The following TNPO2 variants were observed in gnomAD, a reference collection of about 807,000 sequenced individuals.
TNPO2 encodes transportin 2, also known as transportin-2.
In TNPO2, 16 loss-of-function variants were observed where a neutral mutation model predicts 111.1. That is an observed-to-expected ratio of 0.14 (90% CI 0.10 to 0.22). TNPO2 has a LOEUF of 0.22. Among genes scored for constraint, TNPO2 ranks in the 10% least tolerant of loss-of-function variants. The pLI is 1.00. For missense variants in TNPO2, 530 were observed against 1,173.7 expected (o/e 0.45, Z 8.01); for synonymous variants, 481 against 475.8 (o/e 1.01, Z -0.14).
In TNPO2 at chr19:12,715,478, C is replaced by A. The variant is rs369773308; in HGVS notation, c.493G>T (p.Ala165Ser). 6.2e-7 allele frequency: 1 copy of A among 1,613,746 alleles called. No individual in the cohort carries two copies. Among genetic ancestry groups the A allele is most frequent in the Non-Finnish European group, 8.5e-7 (1 of 1,179,850 alleles). ...ATGATGTTGAGGGGCCTGTTGAGGG[C>A]GTCACTGTCCAGAAGCTCTGATGAG... ...EDSSELLDSD[A>S]LNRPLNIMIP... Residue 165 changes from alanine to serine, a missense_variant, in exon 7 of 26, where the codon GCC (alanine) becomes TCC (serine). Physicochemically the swap from Ala to Ser is moderately conservative, Grantham distance 99 (BLOSUM62 1). Around this residue, in one of 4 missense-constraint regions of TNPO2, gnomAD observed 156 missense variants for 405.8 expected, o/e 0.38. Coordinates refer to ENST00000425528, the MANE Select transcript of TNPO2 (RefSeq NM_001382241.1). The surrounding 1 kb of genome is among the most constrained non-coding windows in gnomAD (Gnocchi z 7.1).
In TNPO2 at chr19:12,700,246, C is replaced by A. The variant is rs935663720; in HGVS notation, c.*1018G>T. 1.7e-4 allele frequency: 25 copies of A among 151,342 alleles called. No individual in the cohort carries two copies. The highest frequency in any genetic ancestry group is 5.1e-4 in the African/African-American group (21 of 40,956). The allele number at this position is 151,342 out of a possible 1,614,324, so 9.4% of individuals were successfully genotyped here. Reference sequence around the variant, plus strand: ...CATCATCAATTAAACGCCCCTGCCCCAGGCCTTGAGTTAAAACTGGGGCCT... The same window carrying A: ...CATCATCAATTAAACGCCCCTGCCCAAGGCCTTGAGTTAAAACTGGGGCCT... On this transcript the variant is annotated 3_prime_UTR_variant, in exon 26 of 26. Transcript: ENST00000425528.
At position 12,721,229 on chromosome 19, in the gene TNPO2, GCGGCGGGGCC is replaced by G. The variant is rs1215356714; in HGVS notation, c.-13-249_-13-240del. On this transcript the variant is annotated intron_variant, in intron 2 of 25. Transcript: ENST00000425528. This position sits in a 1 kb window ranked among gnomAD's most constrained non-coding sequence, Gnocchi z 4.9. ...ATGTGGAAACGGGCCACAGGCGGCGGCGGCGGGGCCCGGCGGATCCTCATGGGACCCAGCG... is the reference window on the plus strand; with the variant it reads ...ATGTGGAAACGGGCCACAGGCGGCGGCGGCGGATCCTCATGGGACCCAGCG... 3.0e-6 allele frequency: 4 copies of G among 1,329,646 alleles called. No individual in the cohort carries two copies. The highest frequency in any genetic ancestry group is 3.7e-5 in the Admixed American group (1 of 27,258). The allele number at this position is 1,329,646 out of a possible 1,614,324, so 82.4% of individuals were successfully genotyped here.
chr19:12,721,175 G>C lies in TNPO2; in HGVS notation c.-13-185C>G. The C allele has an allele frequency of 7.1e-7, 1 of 1,399,060 alleles. No homozygotes were observed. Among genetic ancestry groups the C allele is most frequent in the Non-Finnish European group, 9.2e-7 (1 of 1,084,548 alleles). 86.7% of individuals were successfully genotyped at this position (1,399,060 alleles called of 1,614,324 possible). On this transcript the variant is annotated intron_variant, in intron 2 of 25. Transcript: ENST00000425528. The surrounding 1 kb of genome is among the most constrained non-coding windows in gnomAD (Gnocchi z 4.9). Reference sequence around the variant, plus strand: ...CAGCTGCGCCATCCTCGGCCGCGCAGTCGCGGGCTCGGGAGCGCGGGAGGG... The same window carrying C: ...CAGCTGCGCCATCCTCGGCCGCGCACTCGCGGGCTCGGGAGCGCGGGAGGG...
chr19:12,713,133 G>T (rs931370708), intron 10 of TNPO2, among the ~76,000 whole-genome samples: 2 of 152,146 alleles, frequency 1.3e-5, no homozygotes, highest in African/African-American at 4.8e-5. Context: ...TACAGTGCCT[G>T]GTCCCTAGCA....
intron 13 of TNPO2, among the ~76,000 whole-genome samples, chr19:12,709,222 C>T (rs1349093548): frequency 4.0e-5 from 6 of 151,110 alleles, no homozygotes; most frequent in Admixed American, 2.0e-4. Context: ...ATTAGCTGGG[C>T]GTGGTGGCAT....
At position 12,702,242 on chromosome 19, in the gene TNPO2, GC is replaced by G; in HGVS notation, c.2306-66del. The G allele has an allele frequency of 7.2e-7, 1 of 1,383,786 alleles. No individual in the cohort carries two copies. The highest frequency in any genetic ancestry group is 1.0e-6 in the Non-Finnish European group (1 of 996,820). The allele number at this position is 1,383,786 out of a possible 1,614,324, so 85.7% of individuals were successfully genotyped here. On this transcript the variant is annotated intron_variant, in intron 21 of 25. Transcript: ENST00000425528. This position sits in a 1 kb window ranked among gnomAD's most constrained non-coding sequence, Gnocchi z 5.5. ...CCTCTGGCACAAGGCACCAAGCCCC[GC>G]CCCATGAGCCCCAAGGGAATGGCTA...
rs2026669433 is a variant in TNPO2 at position 12,721,132 on chromosome 19, C to A, written c.-13-142G>T. The stretch of plus-strand genomic sequence containing the variant: ...CGGAGGCCTCCGATCCACGCCCGCC[C>A]AAGTGCGGGGTCCCCGCCAGCTGCG... On this transcript the variant is annotated intron_variant, in intron 2 of 25. Coordinates refer to ENST00000425528, the MANE Select transcript of TNPO2 (RefSeq NM_001382241.1). This position sits in a 1 kb window ranked among gnomAD's most constrained non-coding sequence, Gnocchi z 4.9. 1.4e-6 allele frequency: 2 copies of A among 1,479,062 alleles called. No homozygotes were observed. Among genetic ancestry groups the A allele is most frequent in the South Asian group, 1.3e-5 (1 of 76,982 alleles). 91.6% of individuals were successfully genotyped at this position (1,479,062 alleles called of 1,614,324 possible).
At position 12,711,625 on chromosome 19, in the gene TNPO2, G is replaced by T; in HGVS notation, c.891-12C>A. 1 of 1,612,530 alleles carries T rather than the reference G, an allele frequency of 6.2e-7. No homozygotes were observed. The highest frequency in any genetic ancestry group is 8.5e-7 in the Non-Finnish European group (1 of 1,179,260). ...AGATGGGGATCAACCTGCACAGAGA[G>T]GGACTGTTTATGGGGATGCAGGGGC... On this transcript the variant is annotated splice_polypyrimidine_tract_variant and intron_variant, in intron 10 of 25. Transcript: ENST00000425528.
chr19:12,702,407 G>C lies in TNPO2; in HGVS notation c.2306-230C>G, dbSNP rs1435137970. ...TTTTTGTTTTTTTTTGTTTTGTTTT[G>C]TTTTTGAGATGGAGTCTTGCTCTGT... On this transcript the variant is annotated intron_variant, in intron 21 of 25. Transcript: ENST00000425528. The surrounding 1 kb of genome is among the most constrained non-coding windows in gnomAD (Gnocchi z 5.5). The C allele has an allele frequency of 3.0e-6, 2 of 659,870 alleles. No homozygotes were observed. Among genetic ancestry groups the C allele is most frequent in the Admixed American group, 4.3e-5 (2 of 46,450 alleles). The allele number at this position is 659,870 out of a possible 1,614,324, so 40.9% of individuals were successfully genotyped here. A position where few individuals can be genotyped will look rare whatever the true frequency, so the allele number is the denominator to read the frequency against.
chr19:12,705,948 C>G lies in TNPO2; in HGVS notation c.1669-180G>C. 1 of 641,222 alleles carries G rather than the reference C, an allele frequency of 1.6e-6. No homozygotes were observed. Among genetic ancestry groups the G allele is most frequent in the Non-Finnish European group, 2.7e-6 (1 of 376,738 alleles). 39.7% of individuals were successfully genotyped at this position (641,222 alleles called of 1,614,324 possible). A position where few individuals can be genotyped will look rare whatever the true frequency, so the allele number is the denominator to read the frequency against. On this transcript the variant is annotated intron_variant, in intron 15 of 25. Transcript: ENST00000425528. This position sits in a 1 kb window ranked among gnomAD's most constrained non-coding sequence, Gnocchi z 7.2. The stretch of plus-strand genomic sequence containing the variant: ...TTCTCACCTGTCCAAGCACCGCCCG[C>G]CCCACCCCACCCCCCGGGAGCCTGG...
At position 12,703,698 on chromosome 19, in the gene TNPO2, A is replaced by C. The variant is rs2025462960; in HGVS notation, c.2110+16T>G. On this transcript the variant is annotated intron_variant, in intron 19 of 25. Coordinates refer to ENST00000425528, the MANE Select transcript of TNPO2 (RefSeq NM_001382241.1). ...GGGGCTGGGGTCATGGGTTAGGGAC[A>C]AGGCGAGTGTCGTACCGATACAGGG... 6.2e-7 allele frequency: 1 copy of C among 1,605,956 alleles called. No homozygotes were observed. Among genetic ancestry groups the C allele is most frequent in the Admixed American group, 1.7e-5 (1 of 58,262 alleles).
Position 12,719,467 on chromosome 19 carries a change from G to GC in TNPO2, c.100-132dup. On this transcript the variant is annotated intron_variant, in intron 3 of 25. Transcript: ENST00000425528. This position sits in a 1 kb window ranked among gnomAD's most constrained non-coding sequence, Gnocchi z 5.0. ...CCTGGGGGATCCCGCTCCCTAATAA[G>GC]CCCACAATGACACAGAGCACCTCAG... is the stretch of plus-strand genomic sequence containing the variant. 2 of 753,958 alleles carry GC rather than the reference G, an allele frequency of 2.7e-6. No individual in the cohort carries two copies. Among genetic ancestry groups the GC allele is most frequent in the Non-Finnish European group, 4.6e-6 (2 of 434,672 alleles). 46.7% of individuals were successfully genotyped at this position (753,958 alleles called of 1,614,324 possible). A position where few individuals can be genotyped will look rare whatever the true frequency, so the allele number is the denominator to read the frequency against.
At chr19:12,714,558 C>T (rs539219797) in intron 10 of TNPO2, among the ~76,000 whole-genome samples, 1 of 152,114 alleles carries the variant, frequency 6.6e-6, no homozygotes, top group Non-Finnish European at 1.5e-5. Flanking sequence ...GTGATCTGCC[C>T]GCCTCGGCCT....
chr19:12,715,856 T>G lies in TNPO2; in HGVS notation c.326-117A>C. On this transcript the variant is annotated intron_variant, in intron 5 of 25. Transcript: ENST00000425528. This position sits in a 1 kb window ranked among gnomAD's most constrained non-coding sequence, Gnocchi z 7.1. ...TGTTCCCTAGCCCATGTACGCCCTCTACATCCCCCCTCCTTTTTTTTTTCT... is the reference window on the plus strand; with the variant it reads ...TGTTCCCTAGCCCATGTACGCCCTCGACATCCCCCCTCCTTTTTTTTTTCT... 1.4e-6 allele frequency: 1 copy of G among 736,268 alleles called. No homozygotes were observed. The highest frequency in any genetic ancestry group is 2.2e-6 in the Non-Finnish European group (1 of 452,766). The allele number at this position is 736,268 out of a possible 1,614,324, so 45.6% of individuals were successfully genotyped here. A position where few individuals can be genotyped will look rare whatever the true frequency, so the allele number is the denominator to read the frequency against.
intron 5 of TNPO2, among the ~76,000 whole-genome samples, chr19:12,718,709 C>T (rs1276999788): frequency 1.3e-5 from 2 of 152,196 alleles, no homozygotes; most frequent in African/African-American, 4.8e-5. Flanking sequence ...ATTTTAACTG[C>T]TATACCCTTA....
In TNPO2 at chr19:12,705,424, CG is replaced by C. The variant is rs779377958; in HGVS notation, c.1864-27del. The C allele has an allele frequency of 1.3e-5, 20 of 1,577,394 alleles. No individual in the cohort carries two copies. The African/African-American group carries it at 2.4e-4, about 19-fold the overall frequency. On this transcript the variant is annotated intron_variant, in intron 17 of 25. Transcript: ENST00000425528. The surrounding 1 kb of genome is among the most constrained non-coding windows in gnomAD (Gnocchi z 7.2). ...CTAGACACAGATGCCGACAGGGGCA[CG>C]GGTAAGTGGAGCAGGCCCGAGGCAG... is the stretch of plus-strand genomic sequence containing the variant.
Position 12,702,285 on chromosome 19 carries a change from C to T in TNPO2, c.2306-108G>A, listed in dbSNP as rs2025362618. 3.1e-6 allele frequency: 3 copies of T among 959,936 alleles called. No homozygotes were observed. Among genetic ancestry groups the T allele is most frequent in the Admixed American group, 2.2e-5 (1 of 46,154 alleles). 59.5% of individuals were successfully genotyped at this position (959,936 alleles called of 1,614,324 possible). A position where few individuals can be genotyped will look rare whatever the true frequency, so the allele number is the denominator to read the frequency against. ...GAATGGCTACTGCAGCCACCCTGGT[C>T]CCCCAAGCTTGGCCCAGCCAGGGGT... On this transcript the variant is annotated intron_variant, in intron 21 of 25. Transcript: ENST00000425528. This position sits in a 1 kb window ranked among gnomAD's most constrained non-coding sequence, Gnocchi z 5.5.
chr19:12,718,043 T>C (rs2026462050), intron 5 of TNPO2, among the ~76,000 whole-genome samples: 1 of 151,754 alleles, frequency 6.6e-6, no homozygotes, highest in Non-Finnish European at 1.5e-5. Context: ...CTTGCTCTGT[T>C]GCCCAGGCTG....
chr19:12,714,001 C>T (rs905134548), intron 10 of TNPO2, among the ~76,000 whole-genome samples: 8 of 151,980 alleles, frequency 5.3e-5, no homozygotes, highest in African/African-American at 1.7e-4. Context: ...TCCACTCCAG[C>T]GTGGATGACA....
Sources: allele counts gnomAD v4.1 joint callset (sites outside exome capture counted in the v4.1 genomes callset), GRCh38; gene constraint gnomAD v4.1.1; regional missense constraint gnomAD v4.1.1; non-coding constraint Gnocchi (gnomAD v3.1); transcripts MANE v1.5; gene names NCBI Gene and HGNC (gene_info 2026-07-23, HGNC 2026-07-21).